The following SKIDA1 variants were observed in gnomAD, a reference collection of about 807,000 sequenced individuals.
SKIDA1 encodes SKI/DACH domain containing 1, also known as SKI/DACH domain-containing protein 1.
A neutral mutation model predicts 51.4 loss-of-function variants in SKIDA1; 18 were observed. The ratio of observed to expected loss-of-function variants is 0.35; its 90% CI spans 0.24 to 0.52. SKIDA1 has a LOEUF of 0.52. Ranked by LOEUF, SKIDA1 falls within the 20% of genes least tolerant of loss-of-function variation. The pLI, the probability that SKIDA1 is intolerant of heterozygous loss-of-function variation, is 0.95. For synonymous variants in SKIDA1, 579 were observed against 500.5 expected (o/e 1.16, Z -2.09); for missense variants, 1,104 against 1,180.6 (o/e 0.94, Z 0.95).
chr10:21,524,947 G>A (rs2032622229), intron 1 of SKIDA1, among the ~76,000 whole-genome samples: 1 of 152,120 alleles, frequency 6.6e-6, no homozygotes, highest in Admixed American at 6.5e-5. Flanking sequence ...GTTGAACTAA[G>A]AATGAGAAAA....
Position 21,514,695 on chromosome 10 carries a change from GA to G in SKIDA1, c.*400del, listed in dbSNP as rs2032140074. 1.3e-5 allele frequency: 2 copies of G among 159,430 alleles called. No homozygotes were observed. Among genetic ancestry groups the G allele is most frequent in the South Asian group, 1.9e-4 (1 of 5,404 alleles). 9.9% of individuals were successfully genotyped at this position (159,430 alleles called of 1,614,324 possible). On this transcript the variant is annotated 3_prime_UTR_variant, in exon 4 of 4. Transcript: ENST00000449193. ...AATTAACAGTTACACTTTCAGCTCT[GA>G]AATCTAGTGCATAAACTTAATGGCT...
At chr10:21,525,114 AT>A (rs2032646966) in intron 1 of SKIDA1, among the ~76,000 whole-genome samples, 1 of 152,266 alleles carries the variant, frequency 6.6e-6, no homozygotes, top group African/African-American at 2.4e-5. Context: ...GAACTCAGTC[AT>A]TTAAATAGAC....
chr10:21,518,067 T>G lies in SKIDA1; in HGVS notation c.-245A>C, dbSNP rs1368677764. The G allele has an allele frequency of 6.3e-6, 3 of 477,528 alleles. No homozygotes were observed. The highest frequency in any genetic ancestry group is 2.0e-5 in the African/African-American group (1 of 50,912). The allele number at this position is 477,528 out of a possible 1,614,324, so 29.6% of individuals were successfully genotyped here. A position where few individuals can be genotyped will look rare whatever the true frequency, so the allele number is the denominator to read the frequency against. On this transcript the variant is annotated 5_prime_UTR_variant, in exon 4 of 4. Transcript: ENST00000449193. Reference sequence around the variant, plus strand: ...GCTTTTTTGTTGTTGTTGTTTTCGTTTTTTTAAAAAAGAGGGAAAAAACCA... The same window carrying G: ...GCTTTTTTGTTGTTGTTGTTTTCGTGTTTTTAAAAAAGAGGGAAAAAACCA...
Position 21,515,360 on chromosome 10 carries a change from A to G in SKIDA1, c.2463T>C (p.Asp821=). 6.2e-7 allele frequency: 1 copy of G among 1,614,014 alleles called. No individual in the cohort carries two copies. Among genetic ancestry groups the G allele is most frequent in the Non-Finnish European group, 8.5e-7 (1 of 1,179,898 alleles). The part of the protein sequence containing the change: ...GKTETNEGTL[D]DFTVINRRKK... ...TGCGTCTGTTTATAACTGTAAAATCATCCAGTGTTCCTTCATTTGTCTCAG... is the reference window on the plus strand; with the variant it reads ...TGCGTCTGTTTATAACTGTAAAATCGTCCAGTGTTCCTTCATTTGTCTCAG... The change falls in exon 4 of 4, where the codon GAT becomes GAC. Residue 821 remains aspartate, a synonymous_variant. Transcript: ENST00000449193.
At chr10:21,520,048 C>T (rs1054185560) in intron 3 of SKIDA1, among the ~76,000 whole-genome samples, 4 of 152,190 alleles carry the variant, frequency 2.6e-5, no homozygotes, top group South Asian at 2.1e-4. Context: ...ATGTACAAAC[C>T]GCGATGTCTA....
rs1303973974 is a variant in SKIDA1, at chr10:21,516,039, A to G, written c.1784T>C (p.Leu595Pro). 3 of 1,613,962 alleles carry G rather than the reference A, an allele frequency of 1.9e-6. No homozygotes were observed. The highest frequency in any genetic ancestry group is 2.5e-6 in the Non-Finnish European group (3 of 1,179,872). ...TNNAFPQQRI[L>P]REARKCLQTT... is the part of the protein sequence containing the mutation. ...TTGTAGGCATTTCCTAGCCTCTCGGAGTATTCTTTGTTGTGGAAATGCATT... is the reference window on the plus strand; with the variant it reads ...TTGTAGGCATTTCCTAGCCTCTCGGGGTATTCTTTGTTGTGGAAATGCATT... Residue 595 changes from leucine to proline, a missense_variant, in exon 4 of 4, where the codon CTC (leucine) becomes CCC (proline). This residue lies in a region of SKIDA1 where 938 missense variants were observed against 886.4 expected (regional missense o/e 1.06). Coordinates refer to ENST00000449193, the MANE Select transcript of SKIDA1 (RefSeq NM_207371.4). The surrounding 1 kb of genome is among the most constrained non-coding windows in gnomAD (Gnocchi z 5.7).
At chr10:21,522,907 G>C (rs1425616436) in intron 2 of SKIDA1, among the ~76,000 whole-genome samples, 1 of 152,080 alleles carries the variant, frequency 6.6e-6, no homozygotes, top group African/African-American at 2.4e-5. Flanking sequence ...AGGTAAAGGG[G>C]TTTTTGTGAG....
Position 21,516,511 on chromosome 10 carries a change from C to T in SKIDA1, c.1312G>A (p.Glu438Lys), listed in dbSNP as rs1259670769. 2 of 1,591,070 alleles carry T rather than the reference C, an allele frequency of 1.3e-6. No homozygotes were observed. The highest frequency in any genetic ancestry group is 1.7e-6 in the Non-Finnish European group (2 of 1,169,178). ...EGGSGASDSS[E>K]VSSEEEDSST... is the part of the protein sequence containing the mutation. ...GAGTCCTCCTCCTCCGAGCTGACTT[C>T]ACTGGAATCCGAGGCCCCGCTGCCC... The change falls in exon 4 of 4, where the codon GAA (glutamate) becomes AAA (lysine). Residue 438 changes from glutamate (E) to lysine (K), a missense_variant. Glu to Lys is a moderately conservative substitution (Grantham distance 56, BLOSUM62 1). This residue lies in a region of SKIDA1 where 938 missense variants were observed against 886.4 expected (regional missense o/e 1.06). Coordinates refer to ENST00000449193, the MANE Select transcript of SKIDA1 (RefSeq NM_207371.4). This position sits in a 1 kb window ranked among gnomAD's most constrained non-coding sequence, Gnocchi z 5.7.
Position 21,515,905 on chromosome 10 carries a change from G to A in SKIDA1, c.1918C>T (p.His640Tyr), listed in dbSNP as rs749415868. The A allele has an allele frequency of 2.5e-5, 40 of 1,613,882 alleles. No homozygotes were observed. The highest frequency in any genetic ancestry group is 1.7e-5 in the Admixed American group (1 of 60,014). ...AAATCCGTAGCAAATTCAGGACAAT[G>A]AAGGATTTTGGAATATTTTTCTGAA... ...ANSEKYSKIL[H>Y]CPEFATDLPS... Residue 640 changes from histidine (H) to tyrosine (Y), a missense_variant, in exon 4 of 4, where the codon CAT becomes TAT. By Grantham distance (83) the His-to-Tyr change is moderately conservative. Around this residue, in one of 3 missense-constraint regions of SKIDA1, gnomAD observed 938 missense variants for 886.4 expected, o/e 1.06. Transcript: ENST00000449193.
Position 21,515,001 on chromosome 10 carries a change from G to C in SKIDA1, c.*95C>G. ...TGCGATAAACCAGGACTCCAAAGGG[G>C]GTGTAACACATTAATGGACTTGTAC... On this transcript the variant is annotated 3_prime_UTR_variant, in exon 4 of 4. Transcript: ENST00000449193. 1 of 1,422,472 alleles carries C rather than the reference G, an allele frequency of 7.0e-7. No homozygotes were observed. The highest frequency in any genetic ancestry group is 9.2e-7 in the Non-Finnish European group (1 of 1,091,348). 88.1% of individuals were successfully genotyped at this position (1,422,472 alleles called of 1,614,324 possible).
chr10:21,520,571 C>T (rs1183062522), intron 3 of SKIDA1, among the ~76,000 whole-genome samples: 1 of 136,934 alleles, frequency 7.3e-6, no homozygotes, highest in Admixed American at 8.1e-5. Flanking sequence ...GAAGACAGTA[C>T]AAAAGGTTGG....
At position 21,515,710 on chromosome 10, in the gene SKIDA1, T is replaced by G. The variant is rs146340963; in HGVS notation, c.2113A>C (p.Asn705His). The G allele has an allele frequency of 3.7e-6, 6 of 1,614,042 alleles. No individual in the cohort carries two copies. In the East Asian group the frequency reaches 1.3e-4, roughly 36 times the overall value. Residue 705 changes from asparagine (N) to histidine (H), a missense_variant, in exon 4 of 4, where the codon AAT becomes CAT. By Grantham distance (68) the Asn-to-His change is moderately conservative. Transcript: ENST00000449193. ...TCATTGCACTCGCACTTTAGCTTAT[T>G]TGTAAAAAGGTGAGGTTCATATTCT... is the stretch of plus-strand genomic sequence containing the variant. ...NEEYEPHLFTNKLKCECNDTK... is the reference protein window; with the variant it reads ...NEEYEPHLFTHKLKCECNDTK...
At position 21,515,456 on chromosome 10, in the gene SKIDA1, T is replaced by G. The variant is rs2032169733; in HGVS notation, c.2367A>C (p.Arg789=). The G allele has an allele frequency of 6.2e-6, 10 of 1,613,982 alleles. No individual in the cohort carries two copies. Among genetic ancestry groups the G allele is most frequent in the Non-Finnish European group, 8.5e-6 (10 of 1,179,882 alleles). ...KNYRTLVLGK[R]PVLQTPPVKP... ...TGACTGGAGGTGTCTGAAGGACAGG[T>G]CGCTTTCCCAGTACTAGTGTCCGGT... Residue 789 remains arginine, a synonymous_variant, in exon 4 of 4, where the codon CGA becomes CGC. Transcript: ENST00000449193.
Position 21,517,531 on chromosome 10 carries a change from C to G in SKIDA1, c.292G>C (p.Glu98Gln), listed in dbSNP as rs1233316722. The G allele has an allele frequency of 6.3e-7, 1 of 1,586,682 alleles. No individual in the cohort carries two copies. Among genetic ancestry groups the G allele is most frequent in the East Asian group, 2.3e-5 (1 of 43,712 alleles). ...CTGCGCTTGGTCTTGAGGACGCGCT[C>G]GGTTTTGCAGGAGGTGTAGAGCGCT... ...VEALYTSCKT[E>Q]RVLKTKRRRV... is the part of the protein sequence containing the mutation. The change falls in exon 4 of 4, where the codon GAG (glutamate) becomes CAG (glutamine). Residue 98 changes from glutamate to glutamine, a missense_variant. Coordinates refer to ENST00000449193, the MANE Select transcript of SKIDA1 (RefSeq NM_207371.4). The surrounding 1 kb of genome is among the most constrained non-coding windows in gnomAD (Gnocchi z 6.9).
rs770190548 is a variant in SKIDA1 at position 21,516,397 on chromosome 10, T to C, written c.1426A>G (p.Ser476Gly). Residue 476 changes from serine to glycine, a missense_variant, in exon 4 of 4, where the codon AGC (serine) becomes GGC (glycine). Ser to Gly is a moderately conservative substitution (Grantham distance 56). Around this residue, in one of 3 missense-constraint regions of SKIDA1, gnomAD observed 938 missense variants for 886.4 expected, o/e 1.06. Transcript: ENST00000449193. This position sits in a 1 kb window ranked among gnomAD's most constrained non-coding sequence, Gnocchi z 5.7. ...FRRTSFCKPP[S>G]VQAQANFLYH... The stretch of plus-strand genomic sequence containing the variant: ...AAGAAGTTGGCCTGCGCCTGCACGC[T>C]GGGAGGCTTGCAGAAGCTGGTGCGC... 1 of 1,613,484 alleles carries C rather than the reference T, an allele frequency of 6.2e-7. No homozygotes were observed. Among genetic ancestry groups the C allele is most frequent in the South Asian group, 1.1e-5 (1 of 91,078 alleles).
At position 21,515,835 on chromosome 10, in the gene SKIDA1, G is replaced by A. The variant is rs1220893876; in HGVS notation, c.1988C>T (p.Ala663Val). The change falls in exon 4 of 4, where the codon GCA becomes GTA. Residue 663 changes from alanine to valine, a missense_variant. Ala to Val is a moderately conservative substitution (Grantham distance 64). Coordinates refer to ENST00000449193, the MANE Select transcript of SKIDA1 (RefSeq NM_207371.4). ...TDPEVNAAGA[A>V]ATKAENPCTD... is the part of the protein sequence containing the mutation. ...GCAGGGATTCTCGGCTTTAGTTGCT[G>A]CTGCTCCTGCAGCGTTCACTTCAGG... 6.2e-7 allele frequency: 1 copy of A among 1,614,010 alleles called. No homozygotes were observed. The highest frequency in any genetic ancestry group is 1.7e-5 in the Admixed American group (1 of 60,028).
Position 21,516,585 on chromosome 10 carries a change from T to C in SKIDA1, c.1238A>G (p.Glu413Gly), listed in dbSNP as rs1355180806. The change falls in exon 4 of 4, where the codon GAA becomes GGA. Residue 413 changes from glutamate (E) to glycine (G), a missense_variant. Coordinates refer to ENST00000449193, the MANE Select transcript of SKIDA1 (RefSeq NM_207371.4). The surrounding 1 kb of genome is among the most constrained non-coding windows in gnomAD (Gnocchi z 5.7). ...CTCCTCCTCTCCCTCCTCCTCCTCT[T>C]CCTCTGAGGACACAGAATTGCTGGA... ...SSSSNSVSSEEEEEEGEEEEE... is the reference protein window; with the variant it reads ...SSSSNSVSSEGEEEEGEEEEE... The C allele has an allele frequency of 8.4e-6, 13 of 1,551,988 alleles. No individual in the cohort carries two copies. The highest frequency in any genetic ancestry group is 8.7e-6 in the Non-Finnish European group (10 of 1,147,294).
At chr10:21,520,870 A>C (rs1240109079) in intron 3 of SKIDA1, among the ~76,000 whole-genome samples, 1 of 152,160 alleles carries the variant, frequency 6.6e-6, no homozygotes, top group Non-Finnish European at 1.5e-5. Context: ...AATTTGAGAA[A>C]TGTGTCTATA....
chr10:21,522,830 T>A (rs1429167165), intron 2 of SKIDA1, among the ~76,000 whole-genome samples: 2 of 152,208 alleles, frequency 1.3e-5, no homozygotes, highest in Admixed American at 1.3e-4. Context: ...AGTGACCTTC[T>A]ACCCTTTTTT....
Sources: allele counts gnomAD v4.1 joint callset (sites outside exome capture counted in the v4.1 genomes callset), GRCh38; gene constraint gnomAD v4.1.1; regional missense constraint gnomAD v4.1.1; non-coding constraint Gnocchi (gnomAD v3.1); transcripts MANE v1.5; gene names NCBI Gene and HGNC (gene_info 2026-07-23, HGNC 2026-07-21).